The following VPS13B variants were observed in gnomAD, a reference collection of about 807,000 sequenced individuals.
VPS13B encodes the protein intermembrane lipid transfer protein VPS13B.
A neutral mutation model predicts 426.4 loss-of-function variants in VPS13B; 285 were observed. The observed-to-expected ratio is 0.67, with a 90% CI of 0.61 to 0.74. The LOEUF (loss-of-function observed/expected upper bound fraction) is 0.74. VPS13B is among the 30% of genes least tolerant of loss of function. The pLI is 0.00. For synonymous variants in VPS13B, 1,676 were observed against 1,676.4 expected (o/e 1.00, Z 0.01); for missense variants, 4,537 against 4,782.6 (o/e 0.95, Z 1.51).
intron 35 of VPS13B, among the ~76,000 whole-genome samples, chr8:99,693,856 T>A (rs1288663584): frequency 1.3e-5 from 2 of 149,860 alleles, no homozygotes; most frequent in Non-Finnish European, 3.0e-5. Flanking sequence ...AGTCTCAGGA[T>A]ACAAAATGAA....
intron 39 of VPS13B, among the ~76,000 whole-genome samples, chr8:99,739,207 C>T (rs984948267): frequency 3.3e-5 from 5 of 152,236 alleles, no homozygotes; most frequent in African/African-American, 7.2e-5. Flanking sequence ...GTCCCATACC[C>T]GTGGAGCCTC....
At chr8:99,100,878 T>C (rs1305741397) in intron 4 of VPS13B, among the ~76,000 whole-genome samples, 2 of 151,070 alleles carry the variant, frequency 1.3e-5, no homozygotes, top group African/African-American at 4.9e-5. Flanking sequence ...CCATCTCTAC[T>C]AAAAAAAATA....
intron 25 of VPS13B, among the ~76,000 whole-genome samples, chr8:99,496,557 A>G (rs186562117): frequency 5.4e-4 from 82 of 152,256 alleles, no homozygotes; most frequent in African/African-American, 1.8e-3. Flanking sequence ...AGGCTGAGGC[A>G]GGAGAATGGC....
Position 99,699,673 on chromosome 8 carries a change from G to C in VPS13B, c.6195G>C (p.Val2065=), listed in dbSNP as rs1832189349. Residue 2065 remains valine, a synonymous_variant, in exon 36 of 62, where the codon GTG becomes GTC. Transcript: ENST00000357162. ...CTTCAGCCATGTCCAACACCATGGT[G>C]AATAAGGATGATCTTCCAGTCTCCA... ...EETSAMSNTM[V]NKDDLPVSKY... is the part of the protein sequence containing the mutation. 6.2e-7 allele frequency: 1 copy of C among 1,614,046 alleles called. No individual in the cohort carries two copies. Among genetic ancestry groups the C allele is most frequent in the South Asian group, 1.1e-5 (1 of 91,072 alleles).
At chr8:99,396,940 A>T (rs1261177173) in intron 21 of VPS13B, among the ~76,000 whole-genome samples, 1 of 152,164 alleles carries the variant, frequency 6.6e-6, no homozygotes, top group Non-Finnish European at 1.5e-5. Context: ...GATCCTTCAG[A>T]TGTTTCCATT....
chr8:99,570,873 A>G (rs1825438875), intron 31 of VPS13B, among the ~76,000 whole-genome samples: 2 of 152,164 alleles, frequency 1.3e-5, no homozygotes, highest in African/African-American at 2.4e-5. Context: ...CTACTGCTGT[A>G]TAAATAACAG....
At chr8:99,844,776 A>C (rs1160752015) in intron 54 of VPS13B, among the ~76,000 whole-genome samples, 1 of 152,218 alleles carries the variant, frequency 6.6e-6, no homozygotes, top group East Asian at 1.9e-4. Flanking sequence ...GGGGAACACA[A>C]ACATTCAGAC....
At chr8:99,568,189 G>A (rs1000824888) in intron 31 of VPS13B, among the ~76,000 whole-genome samples, 4 of 151,850 alleles carry the variant, frequency 2.6e-5, no homozygotes, top group Non-Finnish European at 4.4e-5. Flanking sequence ...GTCAGAGAGA[G>A]TTTGAATTTT....
chr8:99,701,625 G>A (rs1832285115), intron 36 of VPS13B, among the ~76,000 whole-genome samples: 1 of 152,002 alleles, frequency 6.6e-6, no homozygotes, highest in African/African-American at 2.4e-5. Context: ...CTTAAATCTA[G>A]TTAAACACAA....
At chr8:99,262,786 G>A (rs576944358) in intron 17 of VPS13B, among the ~76,000 whole-genome samples, 4 of 151,866 alleles carry the variant, frequency 2.6e-5, no homozygotes, top group Non-Finnish European at 5.9e-5. Flanking sequence ...TGTTGTTGTT[G>A]TTGTTGTTGT....
intron 3 of VPS13B, among the ~76,000 whole-genome samples, chr8:99,078,275 C>T (rs565445735): frequency 1.4e-3 from 198 of 140,562 alleles, no homozygotes; most frequent in African/African-American, 4.8e-3. Flanking sequence ...TCTAGTGTAC[C>T]GTTCACTTCT....
Position 99,284,368 on chromosome 8 carries a change from T to G in VPS13B, c.2824+9114T>G, listed in dbSNP as rs146206464. 6.3e-3 allele frequency among the ~76,000 whole-genome samples: 962 copies of G among 152,304 alleles called. 8 individuals are homozygous for G. The highest frequency in any genetic ancestry group is 0.022 in the African/African-American group (903 of 41,560). On this transcript the variant is annotated intron_variant, in intron 19 of 61. Transcript: ENST00000357162. ...ATTCATCTAACAAGTATTTATTGCCTATTTTTTGTGCGTAGAACTATAACG... is the reference window on the plus strand; with the variant it reads ...ATTCATCTAACAAGTATTTATTGCCGATTTTTTGTGCGTAGAACTATAACG...
intron 25 of VPS13B, among the ~76,000 whole-genome samples, chr8:99,491,727 C>G (rs1820613723): frequency 1.3e-5 from 2 of 152,154 alleles, no homozygotes; most frequent in Non-Finnish European, 2.9e-5. Flanking sequence ...CATTTAAGGT[C>G]TTGTCTACAC....
chr8:99,188,453 G>A (rs908305649), intron 16 of VPS13B, among the ~76,000 whole-genome samples: 7 of 152,120 alleles, frequency 4.6e-5, no homozygotes, highest in East Asian at 1.9e-4. Context: ...TGTATGGATC[G>A]AATACATTTT....
chr8:99,418,498 T>TCTTTCTTTCTTG (rs1563718931), intron 21 of VPS13B, among the ~76,000 whole-genome samples: 5 of 143,006 alleles, frequency 3.5e-5, no homozygotes, highest in African/African-American at 1.4e-4. Context: ...TTTCTTTCTT[T>TCTTTCTTTCTTG]CTTTCTTTCT....
intron 2 of VPS13B, among the ~76,000 whole-genome samples, chr8:99,023,246 A>AT (rs1471928620): frequency 2.0e-5 from 3 of 146,742 alleles, no homozygotes; most frequent in East Asian, 4.0e-4. Context: ...CCTAGTCCCC[A>AT]TTTTTTCTTT....
intron 19 of VPS13B, among the ~76,000 whole-genome samples, chr8:99,307,498 T>G (rs1820705361): frequency 6.6e-6 from 1 of 152,002 alleles, no homozygotes; most frequent in African/African-American, 2.4e-5. Flanking sequence ...GGTAGAACAT[T>G]TTTTTTAATT....
At position 99,859,402 on chromosome 8, in the gene VPS13B, G is replaced by A. The variant is rs767643802; in HGVS notation, c.10966G>A (p.Gly3656Arg). Residue 3656 changes from glycine (G) to arginine (R), a missense_variant, in exon 57 of 62, where the codon GGG (glycine) becomes AGG (arginine). Physicochemically the swap from Gly to Arg is moderately radical, Grantham distance 125. Coordinates refer to ENST00000357162, the MANE Select transcript of VPS13B (RefSeq NM_152564.5). ...CGACTTCTTCAGGCTTCCGTATGAG[G>A]GGCTGACCCGGGGCCCTGGAGCCTT... is the stretch of plus-strand genomic sequence containing the variant. ...VADFFRLPYEGLTRGPGAFVS... is the reference protein window; with the variant it reads ...VADFFRLPYERLTRGPGAFVS... The A allele has an allele frequency of 1.2e-6, 2 of 1,614,044 alleles. No individual in the cohort carries two copies. Among genetic ancestry groups the A allele is most frequent in the South Asian group, 2.2e-5 (2 of 91,092 alleles).
At chr8:99,359,156 CA>C (rs1194272535) in intron 19 of VPS13B, among the ~76,000 whole-genome samples, 2 of 151,854 alleles carry the variant, frequency 1.3e-5, no homozygotes, top group East Asian at 3.8e-4. Flanking sequence ...TCATAAAATG[CA>C]AAAAATGTAG....
Sources: gnomAD v4.1 joint callset for allele counts (sites outside exome capture counted in the v4.1 genomes callset) on GRCh38, gnomAD v4.1.1 for gene constraint, MANE v1.5 for transcripts, NCBI Gene and HGNC (gene_info 2026-07-23, HGNC 2026-07-21) for gene names.